DAB1: variants seen among roughly 807,000 people sequenced by gnomAD.
DAB1 encodes the protein disabled homolog 1.
In DAB1, 15 loss-of-function variants were observed where a neutral mutation model predicts 64.6. The ratio of observed to expected loss-of-function variants is 0.23; its 90% CI spans 0.16 to 0.36. DAB1 has a LOEUF of 0.36. Ranked by LOEUF, DAB1 falls within the 10% of genes least tolerant of loss-of-function variation. The pLI is 1.00. For synonymous variants in DAB1, 235 were observed against 251.9 expected, an observed-to-expected ratio of 0.93 and a Z score of 0.64; for missense variants, 596 against 706.7, an observed-to-expected ratio of 0.84 and a Z score of 1.78.
chr1:58,207,437 T>C (rs1293033908), intron 4 of DAB1, among the ~76,000 whole-genome samples: 1 of 152,198 alleles, frequency 6.6e-6, no homozygotes, highest in Non-Finnish European at 1.5e-5. Context: ...GAAAGCAATG[T>C]GCTCAGCAAG....
chr1:57,747,834 G>A (rs12043026), intron 6 of DAB1, among the ~76,000 whole-genome samples: 10,268 of 93,960 alleles, frequency 0.11, 649 homozygotes, highest in African/African-American at 0.16. Context: ...AAAAAAAAAA[G>A]AATACCATTG....
At chr1:57,702,639 G>T (rs917429389) in intron 6 of DAB1, among the ~76,000 whole-genome samples, 1 of 152,126 alleles carries the variant, frequency 6.6e-6, no homozygotes, top group Non-Finnish European at 1.5e-5. Context: ...CCATGTTTTA[G>T]TCATTTCGGT....
intron 5 of DAB1, among the ~76,000 whole-genome samples, chr1:57,915,789 T>C (rs1644718008): frequency 6.6e-6 from 1 of 152,122 alleles, no homozygotes. Flanking sequence ...CAATTCCCAA[T>C]AGACTGTGCA....
chr1:57,735,552 CAA>C (rs1324104158), intron 6 of DAB1, among the ~76,000 whole-genome samples: 2 of 146,312 alleles, frequency 1.4e-5, no homozygotes, highest in Non-Finnish European at 3.0e-5. Flanking sequence ...GCAGAGGAGA[CAA>C]AAGAGTGAAT....
chr1:57,711,469 G>T (rs1647028708), intron 6 of DAB1, among the ~76,000 whole-genome samples: 3 of 152,220 alleles, frequency 2.0e-5, no homozygotes, highest in Admixed American at 2.0e-4. Flanking sequence ...GGTGGGGATA[G>T]CAGTTGGCTC....
At chr1:57,975,229 C>T (rs1204736288) in intron 5 of DAB1, among the ~76,000 whole-genome samples, 2 of 152,168 alleles carry the variant, frequency 1.3e-5, no homozygotes, top group Non-Finnish European at 2.9e-5. Flanking sequence ...TTGATCTGGA[C>T]TTCCCAGCCT....
At chr1:57,350,098 A>G (rs1678457542) in intron 1 of DAB1, among the ~76,000 whole-genome samples, 1 of 152,200 alleles carries the variant, frequency 6.6e-6, no homozygotes, top group South Asian at 2.1e-4. Context: ...CATCATCCTG[A>G]AAAGTTGCTC....
intron 5 of DAB1, among the ~76,000 whole-genome samples, chr1:58,091,133 G>A (rs999016269): frequency 6.6e-6 from 1 of 152,128 alleles, no homozygotes; most frequent in African/African-American, 2.4e-5. Flanking sequence ...TCCCCTGCAG[G>A]AGTTTCTAAA....
intron 14 of DAB1, among the ~76,000 whole-genome samples, chr1:57,002,875 G>C (rs1468252613): frequency 6.6e-6 from 1 of 152,168 alleles, no homozygotes; most frequent in African/African-American, 2.4e-5. Context: ...GTAAAATGAG[G>C]CTAGAAATAC....
intron 6 of DAB1, among the ~76,000 whole-genome samples, chr1:57,749,488 C>G (rs929412570): frequency 2.0e-5 from 3 of 152,138 alleles, no homozygotes; most frequent in Admixed American, 1.3e-4. Context: ...AGTTGGAAGC[C>G]TTGGCAACAC....
At chr1:58,224,638 G>A (rs151107096) in intron 4 of DAB1, among the ~76,000 whole-genome samples, 1 of 152,084 alleles carries the variant, frequency 6.6e-6, no homozygotes, top group Non-Finnish European at 1.5e-5. Context: ...CATCTCATTT[G>A]ACCCTCACAG....
rs186755188 is a variant in DAB1, at chr1:57,302,119, C to T, written c.-136-10953G>A. On this transcript the variant is annotated intron_variant, in intron 1 of 14. Coordinates refer to ENST00000371236, the MANE Select transcript of DAB1 (RefSeq NM_001365792.1). Reference sequence around the variant, plus strand: ...TGGATACATGGATGGCTCAAATTTTCTCCACAAAAGGATCTGTGCTTGACG... The same window carrying T: ...TGGATACATGGATGGCTCAAATTTTTTCCACAAAAGGATCTGTGCTTGACG... Among the ~76,000 whole-genome samples the T allele has an allele frequency of 1.4e-3, 211 of 152,268 alleles. 1 individual carries two copies. The highest frequency in any genetic ancestry group is 4.8e-3 in the African/African-American group (200 of 41,550).
At chr1:57,043,605 G>T (rs1299602254) in intron 9 of DAB1, among the ~76,000 whole-genome samples, 1 of 152,202 alleles carries the variant, frequency 6.6e-6, no homozygotes, top group East Asian at 1.9e-4. Flanking sequence ...CCAGCACTTT[G>T]GGAGGCTGAG....
At chr1:57,566,440 G>GATT (rs1645121712) in intron 7 of DAB1, among the ~76,000 whole-genome samples, 1 of 152,286 alleles carries the variant, frequency 6.6e-6, no homozygotes, top group Admixed American at 6.5e-5. Flanking sequence ...CAGAACTGAA[G>GATT]ATGATAGAGA....
chr1:57,126,882 C>A (rs192649724), intron 4 of DAB1, among the ~76,000 whole-genome samples: 5 of 152,302 alleles, frequency 3.3e-5, no homozygotes, highest in African/African-American at 7.2e-5. Context: ...CAACTCTCCC[C>A]ACTAAAAGAC....
At chr1:57,825,723 T>C (rs1468678204), downstream of DAB1, among the ~76,000 whole-genome samples, 4 of 152,210 alleles carry the variant, frequency 2.6e-5, no homozygotes, top group Admixed American at 6.5e-5. Context: ...TCAAATAAGA[T>C]AAATTTTCTT....
At chr1:57,841,855 A>G (rs1443606901) in intron 1 of DAB1, among the ~76,000 whole-genome samples, 1 of 152,146 alleles carries the variant, frequency 6.6e-6, no homozygotes, top group Admixed American at 6.5e-5. Context: ...CATTTTCCTC[A>G]TTGTCTTGGC....
At chr1:58,239,238 C>T (rs1029922645) in intron 4 of DAB1, among the ~76,000 whole-genome samples, 2 of 152,248 alleles carry the variant, frequency 1.3e-5, no homozygotes, top group Non-Finnish European at 2.9e-5. Context: ...TCACTGCTTT[C>T]CTGGAGCTAT....
rs559018402 is a variant in DAB1 at position 58,049,455 on chromosome 1, G to C, written n.387+101056C>G. 1.4e-4 allele frequency: 42 copies of C among 292,896 alleles called. No individual in the cohort carries two copies. In the East Asian group the frequency reaches 2.9e-3, roughly 20 times the overall value. The allele number at this position is 292,896 out of a possible 1,614,324, so 18.1% of individuals were successfully genotyped here. A position where few individuals can be genotyped will look rare whatever the true frequency, so the allele number is the denominator to read the frequency against. ...GCAACCACATTGAAAGGTTCTATGG[G>C]GCCTTCTGCATCATTGCAGAAGGAA... On this transcript the variant is annotated intron_variant and non_coding_transcript_variant, in intron 5 of 20. Transcript: ENST00000485760.
Sources: allele counts gnomAD v4.1 joint callset (sites outside exome capture counted in the v4.1 genomes callset), GRCh38; gene constraint gnomAD v4.1.1; transcripts MANE v1.5; gene names NCBI Gene and HGNC (gene_info 2026-07-23, HGNC 2026-07-21).